Variants in LRP1B observed in about 807,000 individuals in gnomAD.
LRP1B encodes the protein LDL receptor related protein 1B, also known as low-density lipoprotein receptor-related protein 1B.
A neutral mutation model predicts 556.6 loss-of-function variants in LRP1B; 217 were observed. The ratio of observed to expected loss-of-function variants is 0.39; its 90% CI spans 0.35 to 0.44. The LOEUF (loss-of-function observed/expected upper bound fraction) is 0.44, where lower values mean the gene tolerates loss of function less well. Among genes scored for constraint, LRP1B ranks in the 20% least tolerant of loss-of-function variants. LRP1B has a pLI of 1.00. For synonymous variants in LRP1B, 2,047 were observed against 1,865.8 expected, an observed-to-expected ratio of 1.10 and a Z score of -2.50; for missense variants, 5,053 against 5,620.8, an observed-to-expected ratio of 0.90 and a Z score of 3.23.
intron 53 of LRP1B, among the ~76,000 whole-genome samples, chr2:140,505,490 A>G (rs1032450757): frequency 2.0e-5 from 3 of 152,138 alleles, no homozygotes; most frequent in Admixed American, 2.0e-4. Flanking sequence ...ATTTGACATA[A>G]TATGTTATTG....
At chr2:140,878,223 A>G (rs1267039201) in intron 25 of LRP1B, among the ~76,000 whole-genome samples, 2 of 152,124 alleles carry the variant, frequency 1.3e-5, no homozygotes, top group Non-Finnish European at 2.9e-5. Flanking sequence ...TAAAAGTTCA[A>G]AAGTGTAAAC....
intron 1 of LRP1B, among the ~76,000 whole-genome samples, chr2:141,847,009 G>A (rs1036301706): frequency 9.9e-5 from 15 of 151,370 alleles, no homozygotes; most frequent in African/African-American, 3.4e-4. Context: ...AAAGAAAGAG[G>A]AGGCCTAAAT....
rs1680691678 is a variant in LRP1B, at chr2:141,175,409, A to G, written c.1013+13012T>C. Reference sequence around the variant, plus strand: ...CTCTATGCAGCCTTGGGACTTGATGACCTGCATAGCAGCTGCTCCAGCTCC... The same window carrying G: ...CTCTATGCAGCCTTGGGACTTGATGGCCTGCATAGCAGCTGCTCCAGCTCC... On this transcript the variant is annotated intron_variant, in intron 7 of 90. Transcript: ENST00000389484. Among the ~76,000 whole-genome samples, 3 of 152,130 alleles carry G rather than the reference A, an allele frequency of 2.0e-5. No individual in the cohort carries two copies. In the South Asian group the frequency reaches 6.2e-4, roughly 31 times the overall value.
chr2:141,442,692 T>C (rs1002397350), intron 3 of LRP1B, among the ~76,000 whole-genome samples: 8 of 152,164 alleles, frequency 5.3e-5, no homozygotes, highest in Non-Finnish European at 1.2e-4. Context: ...TGATTTTCTG[T>C]TACTATGTTA....
chr2:140,237,565 T>C (rs1354372368), intron 89 of LRP1B, among the ~76,000 whole-genome samples: 1 of 150,822 alleles, frequency 6.6e-6, no homozygotes, highest in African/African-American at 2.4e-5. Context: ...ATCTTGTAAG[T>C]ATCCAGTTCC....
At chr2:141,774,873 C>A (rs537979048) in intron 2 of LRP1B, among the ~76,000 whole-genome samples, 9 of 152,184 alleles carry the variant, frequency 5.9e-5, no homozygotes, top group Non-Finnish European at 1.3e-4. Flanking sequence ...TTAGCTGCAG[C>A]CATGGCGACT....
At chr2:142,038,257 C>A (rs1318952806) in intron 1 of LRP1B, among the ~76,000 whole-genome samples, 1 of 151,504 alleles carries the variant, frequency 6.6e-6, no homozygotes, top group Non-Finnish European at 1.5e-5. Flanking sequence ...AATGGTGATG[C>A]CTTGAATGCA....
chr2:141,996,643 T>C (rs1702498720), intron 1 of LRP1B, among the ~76,000 whole-genome samples: 1 of 152,120 alleles, frequency 6.6e-6, no homozygotes, highest in South Asian at 2.1e-4. Context: ...TTCTCAATTC[T>C]CAGCTCGACC....
intron 2 of LRP1B, among the ~76,000 whole-genome samples, chr2:141,601,990 T>A (rs1384317186): frequency 6.6e-6 from 1 of 152,122 alleles, no homozygotes; most frequent in Non-Finnish European, 1.5e-5. Flanking sequence ...GCAGTTCTAC[T>A]CAGAGTAACA....
Position 140,335,204 on chromosome 2 carries a change from ATG to A in LRP1B, c.12116+409_12116+410del, listed in dbSNP as rs68000207. Among the ~76,000 whole-genome samples, 919 of 151,256 alleles carry A rather than the reference ATG, an allele frequency of 6.1e-3. 10 individuals are homozygous for A. Among genetic ancestry groups the A allele is most frequent in the African/African-American group, 0.021 (860 of 41,230 alleles). ...TGTGTGTGTGCATGTGTATATATAT[ATG>A]TGTGTGTGTGTGTACCTTCATCTTT... is the stretch of plus-strand genomic sequence containing the variant. On this transcript the variant is annotated intron_variant, in intron 78 of 90. Coordinates refer to ENST00000389484, the MANE Select transcript of LRP1B (RefSeq NM_018557.3).
chr2:141,344,244 ATCT>A (rs1398721598), intron 3 of LRP1B, among the ~76,000 whole-genome samples: 1 of 152,118 alleles, frequency 6.6e-6, no homozygotes, highest in East Asian at 1.9e-4. Context: ...TTCCTTAAAA[ATCT>A]TCTCTTCACA....
intron 1 of LRP1B, among the ~76,000 whole-genome samples, chr2:142,113,480 A>C (rs923557050): frequency 1.1e-5 from 1 of 94,962 alleles, no homozygotes; most frequent in African/African-American, 3.8e-5. Flanking sequence ...TAACCTTTAC[A>C]GTTGCCACAA....
intron 66 of LRP1B, among the ~76,000 whole-genome samples, chr2:140,422,048 G>A (rs1347292587): frequency 2.0e-5 from 3 of 152,288 alleles, no homozygotes; most frequent in East Asian, 3.9e-4. Flanking sequence ...AAATGATTAG[G>A]AGGGAAGGTA....
chr2:140,474,419 G>A (rs16844072), intron 60 of LRP1B, among the ~76,000 whole-genome samples: 7,244 of 151,780 alleles, frequency 0.048, 213 homozygotes, highest in African/African-American at 0.051. Flanking sequence ...ACTTTATTTG[G>A]GACCTCGCTT....
intron 15 of LRP1B, among the ~76,000 whole-genome samples, chr2:140,995,190 G>A (rs1175446736): frequency 6.6e-6 from 1 of 152,016 alleles, no homozygotes; most frequent in African/African-American, 2.4e-5. Context: ...ATCAGAGTTT[G>A]TGAGCTCCCC....
intron 83 of LRP1B, among the ~76,000 whole-genome samples, chr2:140,309,823 T>C (rs1438986377): frequency 6.6e-6 from 1 of 151,832 alleles, no homozygotes; most frequent in African/African-American, 2.4e-5. Flanking sequence ...ACTAGGCTCA[T>C]ATTATACAGC....
intron 22 of LRP1B, among the ~76,000 whole-genome samples, chr2:140,906,623 A>G (rs1694261576): frequency 6.6e-6 from 1 of 152,060 alleles, no homozygotes; most frequent in Admixed American, 6.6e-5. Context: ...CTAAAGACTT[A>G]ATTGAAGAAA....
chr2:142,088,286 ATTTC>A (rs916991481), intron 1 of LRP1B, among the ~76,000 whole-genome samples: 6 of 152,284 alleles, frequency 3.9e-5, no homozygotes, highest in Non-Finnish European at 7.4e-5. Context: ...TTAAATAGTT[ATTTC>A]TTTCTCAGCA....
intron 3 of LRP1B, among the ~76,000 whole-genome samples, chr2:141,341,306 T>A (rs1218033944): frequency 6.6e-6 from 1 of 152,196 alleles, no homozygotes; most frequent in Admixed American, 6.5e-5. Context: ...ACTTCAGTTA[T>A]CTCTAATAAT....
Sources: allele counts gnomAD v4.1 joint callset (sites outside exome capture counted in the v4.1 genomes callset), GRCh38; gene constraint gnomAD v4.1.1; transcripts MANE v1.5; gene names NCBI Gene and HGNC (gene_info 2026-07-23, HGNC 2026-07-21).